Variants in NAV3 observed in about 807,000 individuals in gnomAD.
NAV3 encodes pore membrane and/or filament interacting like protein 1.
NAV3 carries 87 observed loss-of-function variants against 244.7 expected under a neutral mutation model. The observed-to-expected ratio is 0.36, with a 90% CI of 0.30 to 0.42. The LOEUF (loss-of-function observed/expected upper bound fraction) is 0.42. Among genes scored for constraint, NAV3 ranks in the 20% least tolerant of loss-of-function variants. NAV3 has a pLI of 1.00. For missense variants in NAV3, 2,663 were observed against 2,893.3 expected (o/e 0.92, Z 1.83); for synonymous variants, 1,126 against 1,042.2 (o/e 1.08, Z -1.55).
chr12:77,872,683 T>C (rs1425123649), intron 1 of NAV3, among the ~76,000 whole-genome samples: 1 of 152,184 alleles, frequency 6.6e-6, no homozygotes, highest in Non-Finnish European at 1.5e-5. Context: ...TCACATTATT[T>C]TATTTAAATC....
chr12:77,932,521 T>C (rs918181742), intron 1 of NAV3, among the ~76,000 whole-genome samples: 4 of 152,194 alleles, frequency 2.6e-5, no homozygotes, highest in East Asian at 1.9e-4. Flanking sequence ...AAGATAGAAT[T>C]TGAGTTAAGA....
intron 28 of NAV3, among the ~76,000 whole-genome samples, chr12:78,178,162 T>G (rs950511142): frequency 0.02 from 37 of 1,870 alleles, no homozygotes; most frequent in Admixed American, 0.091. Flanking sequence ...AAAATAGTGT[T>G]TTTTTTTTTT....
Position 78,128,752 on chromosome 12 carries a change from T to A in NAV3, c.4327T>A (p.Trp1443Arg). 6.2e-7 allele frequency: 1 copy of A among 1,613,574 alleles called. No homozygotes were observed. The highest frequency in any genetic ancestry group is 8.5e-7 in the Non-Finnish European group (1 of 1,179,816). Reference sequence around the variant, plus strand: ...GGCCAACCAAGAAGAGGGCAAAGAGTGGTTGCGTTCTCATTCTACTGGAGG... The same window carrying A: ...GGCCAACCAAGAAGAGGGCAAAGAGAGGTTGCGTTCTCATTCTACTGGAGG... ...RQANQEEGKE[W>R]LRSHSTGGLQ... The change falls in exon 18 of 40, where the codon TGG becomes AGG. Residue 1443 changes from tryptophan to arginine, a missense_variant. Physicochemically the swap from Trp to Arg is moderately radical, Grantham distance 101 (BLOSUM62 -3). Coordinates refer to ENST00000397909, the MANE Select transcript of NAV3 (RefSeq NM_001024383.2).
At chr12:78,130,175 C>T (rs1300459083) in intron 18 of NAV3, among the ~76,000 whole-genome samples, 2 of 152,074 alleles carry the variant, frequency 1.3e-5, no homozygotes, top group Admixed American at 1.3e-4. Flanking sequence ...TGGGCCTAAA[C>T]AGAGTGTAAT....
chr12:78,072,035 A>C (rs1952797771), intron 12 of NAV3, among the ~76,000 whole-genome samples: 1 of 152,226 alleles, frequency 6.6e-6, no homozygotes, highest in South Asian at 2.1e-4. Flanking sequence ...CATTCAAAGC[A>C]GTGTGTAGTG....
In NAV3 at chr12:77,808,237, C is replaced by A. The variant is rs578190315; in HGVS notation, c.73-132082C>A. On this transcript the variant is annotated intron_variant, in intron 2 of 8. Coordinates refer to the NAV3 transcript ENST00000550042. ...CCCTTGCTGGTGAGGAGTTGTGATCCTTTGGAGGAGAAGAAGCGTTCTGGT... is the reference window on the plus strand; with the variant it reads ...CCCTTGCTGGTGAGGAGTTGTGATCATTTGGAGGAGAAGAAGCGTTCTGGT... Among the ~76,000 whole-genome samples, 866 of 152,244 alleles carry A rather than the reference C, an allele frequency of 5.7e-3. 6 individuals are homozygous for A. Among genetic ancestry groups the A allele is most frequent in the South Asian group, 0.012 (59 of 4,828 alleles).
chr12:77,796,588 T>C (rs1418298436), intron 2 of NAV3, among the ~76,000 whole-genome samples: 3 of 152,192 alleles, frequency 2.0e-5, no homozygotes, highest in African/African-American at 4.8e-5. Flanking sequence ...CTACTGTAGA[T>C]AAAATGCTAT....
intron 1 of NAV3, among the ~76,000 whole-genome samples, chr12:77,838,540 C>G (rs1460438660): frequency 6.6e-6 from 1 of 152,098 alleles, no homozygotes; most frequent in African/African-American, 2.4e-5. Context: ...TGCCAATTTG[C>G]CGAACACATT....
At chr12:77,920,269 A>G (rs1887579159) in intron 1 of NAV3, among the ~76,000 whole-genome samples, 1 of 152,060 alleles carries the variant, frequency 6.6e-6, no homozygotes, top group Admixed American at 6.6e-5. Context: ...TCTAAATCCC[A>G]TAATTAATAT....
chr12:77,934,232 C>T (rs1042561699), intron 1 of NAV3, among the ~76,000 whole-genome samples: 1 of 151,942 alleles, frequency 6.6e-6, no homozygotes, highest in Admixed American at 6.6e-5. Context: ...GATGAGTGCC[C>T]GAAGGTAGGA....
At chr12:77,589,835 G>A (rs1425185324) in intron 2 of NAV3, among the ~76,000 whole-genome samples, 1 of 152,226 alleles carries the variant, frequency 6.6e-6, no homozygotes, top group African/African-American at 2.4e-5. Flanking sequence ...TAGAGGTGAA[G>A]AGAACAGGCT....
chr12:78,128,631 T>C (rs2138843624), intron 17 of NAV3, 75 bp from the exon 18 acceptor site: 1 of 1,439,072 alleles, frequency 6.9e-7, no homozygotes, highest in Non-Finnish European at 9.4e-7. Context: ...TAACCTCCTC[T>C]GAATTGTTTT....
chr12:77,874,212 T>C (rs1203908096), intron 1 of NAV3, among the ~76,000 whole-genome samples: 4 of 151,974 alleles, frequency 2.6e-5, no homozygotes, highest in Non-Finnish European at 5.9e-5. Context: ...ATTCTTTCTA[T>C]TTATTTTTAT....
At chr12:77,764,112 A>G (rs889120652) in intron 2 of NAV3, among the ~76,000 whole-genome samples, 1 of 152,202 alleles carries the variant, frequency 6.6e-6, no homozygotes, top group Non-Finnish European at 1.5e-5. Flanking sequence ...CAACTTCTTT[A>G]TTCCCACAAG....
intron 2 of NAV3, among the ~76,000 whole-genome samples, chr12:77,618,999 G>C (rs1248747461): frequency 6.6e-6 from 1 of 152,132 alleles, no homozygotes; most frequent in Non-Finnish European, 1.5e-5. Flanking sequence ...CATAAGAATT[G>C]CCTTAGGAGA....
intron 1 of NAV3, among the ~76,000 whole-genome samples, chr12:77,855,318 A>T (rs1369075684): frequency 4.6e-5 from 7 of 152,170 alleles, no homozygotes; most frequent in Non-Finnish European, 1.0e-4. Context: ...TAATCATCAA[A>T]TATTGTCTGA....
chr12:78,161,855 T>C (rs1957558127), intron 23 of NAV3, among the ~76,000 whole-genome samples: 2 of 152,104 alleles, frequency 1.3e-5, no homozygotes, highest in African/African-American at 4.8e-5. Context: ...AATGGTATAA[T>C]TCAAAGACAG....
At chr12:77,802,425 G>C (rs536829821) in intron 2 of NAV3, among the ~76,000 whole-genome samples, 1 of 152,318 alleles carries the variant, frequency 6.6e-6, no homozygotes, top group East Asian at 1.9e-4. Context: ...TAGGTTAATT[G>C]TGTGGTTTAC....
chr12:77,850,908 A>G (rs1419881198), intron 1 of NAV3, among the ~76,000 whole-genome samples: 1 of 152,170 alleles, frequency 6.6e-6, no homozygotes, highest in Non-Finnish European at 1.5e-5. Context: ...TCTGTTGGCA[A>G]CTATTGCTCA....
Sources: allele counts gnomAD v4.1 joint callset (sites outside exome capture counted in the v4.1 genomes callset), GRCh38; gene constraint gnomAD v4.1.1; transcripts MANE v1.5; gene names NCBI Gene and HGNC (gene_info 2026-07-23, HGNC 2026-07-21).